The following HEATR5B variants were observed in gnomAD, a reference collection of about 807,000 sequenced individuals.
HEATR5B encodes HEAT repeat containing 5B.
A neutral mutation model predicts 224.1 loss-of-function variants in HEATR5B; 156 were observed. The observed-to-expected ratio is 0.70, with a 90% CI of 0.61 to 0.80. The LOEUF (loss-of-function observed/expected upper bound fraction) is 0.80, where lower values mean the gene tolerates loss of function less well. Ranked by LOEUF, HEATR5B falls within the 30% of genes least tolerant of loss-of-function variation. The probability of loss-of-function intolerance (pLI) is 0.00; values close to 1 mark genes in which losing one functional copy is unlikely to be tolerated. For synonymous variants in HEATR5B, 1,027 were observed against 893.0 expected (o/e 1.15, Z -2.68); for missense variants, 2,323 against 2,535.5 (o/e 0.92, Z 1.80).
intron 27 of HEATR5B, among the ~76,000 whole-genome samples, chr2:37,013,457 G>A (rs753340019): frequency 2.6e-5 from 4 of 152,256 alleles, no homozygotes; most frequent in African/African-American, 7.2e-5. Context: ...GGCTGCGGCA[G>A]GAGGACTGTT....
At chr2:37,081,066 A>T (rs1006893004) in intron 2 of HEATR5B, among the ~76,000 whole-genome samples, 1 of 152,204 alleles carries the variant, frequency 6.6e-6, no homozygotes, top group Non-Finnish European at 1.5e-5. Context: ...ATGGAGATGG[A>T]TCAAATAAGA....
rs1671730491 is a variant in HEATR5B at position 37,068,734 on chromosome 2, A to G, written c.1124T>C (p.Ile375Thr). ...VGSLLGEKAQIAAAKEICQAI... is the reference protein window; with the variant it reads ...VGSLLGEKAQTAAAKEICQAI... ...TTGGCAGATTTCTTTGGCAGCTGCA[A>G]TCTGGGCTTTTTCACCTAGCAAACT... Residue 375 changes from isoleucine to threonine, a missense_variant, in exon 8 of 36, where the codon ATT becomes ACT. Physicochemically the swap from Ile to Thr is moderately conservative, Grantham distance 89. This residue lies in a region of HEATR5B where 502 missense variants were observed against 517.8 expected (regional missense o/e 0.97). Coordinates refer to ENST00000233099, the MANE Select transcript of HEATR5B (RefSeq NM_019024.3). 8.1e-6 allele frequency: 13 copies of G among 1,614,060 alleles called. No homozygotes were observed. Among genetic ancestry groups the G allele is most frequent in the Non-Finnish European group, 1.0e-5 (12 of 1,180,028 alleles).
At chr2:37,003,258 C>T (rs1011322294) in intron 31 of HEATR5B, among the ~76,000 whole-genome samples, 7 of 97,478 alleles carry the variant, frequency 7.2e-5, no homozygotes, top group Admixed American at 3.1e-4. Context: ...CTGTCCCGCC[C>T]GCAAAAAAAA....
chr2:37,058,524 C>G lies in HEATR5B; in HGVS notation c.1986G>C (p.Leu662=). 6.2e-7 allele frequency: 1 copy of G among 1,613,020 alleles called. No individual in the cohort carries two copies. The highest frequency in any genetic ancestry group is 8.5e-7 in the Non-Finnish European group (1 of 1,179,074). The change falls in exon 14 of 36, where the codon CTG becomes CTC. Residue 662 remains leucine, a synonymous_variant. Coordinates refer to ENST00000233099, the MANE Select transcript of HEATR5B (RefSeq NM_019024.3). ...PSVMKAHGAH[L]KASAAMVRLR... ...AACGGACCATTGCAGCACTAGCTTT[C>G]AGATGAGCTCCATGGGCTTTCATTA...
chr2:37,043,092 T>C (rs562136640), intron 18 of HEATR5B, among the ~76,000 whole-genome samples: 1 of 152,292 alleles, frequency 6.6e-6, no homozygotes, highest in East Asian at 1.9e-4. Context: ...ACTGAAATGT[T>C]AGAGTTGAGC....
At chr2:37,041,739 T>C (rs900155157) in intron 18 of HEATR5B, among the ~76,000 whole-genome samples, 1 of 150,420 alleles carries the variant, frequency 6.6e-6, no homozygotes, top group Non-Finnish European at 1.5e-5. Context: ...AGCAGGACCC[T>C]GTCTCAATAA....
chr2:37,002,211 A>T, intron 32 of HEATR5B, 95 bp downstream of exon 32: 1 of 1,328,310 alleles, frequency 7.5e-7, no homozygotes. Flanking sequence ...GAGATTTAAG[A>T]GGAAACTGGG....
chr2:37,059,492 C>T (rs1266332165), intron 12 of HEATR5B, among the ~76,000 whole-genome samples: 1 of 102,004 alleles, frequency 9.8e-6, no homozygotes, highest in Non-Finnish European at 1.8e-5. Context: ...TTGAGAGAGT[C>T]TCACTCTGTC....
chr2:37,027,949 C>A lies in HEATR5B; in HGVS notation c.3827G>T (p.Arg1276Leu), dbSNP rs376585931. ...DQAHFDLALA[R>L]SAKLRNPTND... ...TGTAGGGTTTCGAAGTTTAGCAGAA[C>A]GTGCCAAGGCAAGATCAAAGTGAGC... The change falls in exon 24 of 36, where the codon CGT (arginine) becomes CTT (leucine). Residue 1276 changes from arginine (R) to leucine (L), a missense_variant. Arg to Leu is a moderately radical substitution (Grantham distance 102). Around this residue, in one of 12 missense-constraint regions of HEATR5B, gnomAD observed 339 missense variants for 378.4 expected, o/e 0.90. Coordinates refer to ENST00000233099, the MANE Select transcript of HEATR5B (RefSeq NM_019024.3). 1 of 1,613,888 alleles carries A rather than the reference C, an allele frequency of 6.2e-7. No individual in the cohort carries two copies. The highest frequency in any genetic ancestry group is 1.3e-5 in the African/African-American group (1 of 74,922).
In HEATR5B at chr2:37,033,842, A is replaced by G. The variant is rs1669294503; in HGVS notation, c.3217-1069T>C. Among the ~76,000 whole-genome samples the G allele has an allele frequency of 3.3e-5, 5 of 152,332 alleles. 1 individual carries two copies. The South Asian group carries it at 1.0e-3, about 32-fold the overall frequency. ...TGGTGTAAATAAGTAAAATGCTTAC[A>G]ATGCTGGCTGGCACATGGTAACTGC... is the stretch of plus-strand genomic sequence containing the variant. On this transcript the variant is annotated intron_variant, in intron 21 of 35. Transcript: ENST00000233099.
At chr2:37,030,381 G>C (rs1183169181) in intron 22 of HEATR5B, among the ~76,000 whole-genome samples, 1 of 152,118 alleles carries the variant, frequency 6.6e-6, no homozygotes. Flanking sequence ...TCCCATTTCA[G>C]TAATTATACT....
chr2:37,064,647 T>C, intron 10 of HEATR5B, 93 bp downstream of exon 10: 2 of 1,280,718 alleles, frequency 1.6e-6, no homozygotes, highest in Non-Finnish European at 2.2e-6. Flanking sequence ...CAACTGTTAT[T>C]TGACCACCCT....
Position 36,985,621 on chromosome 2 carries a change from C to CTTTTT in HEATR5B, c.5911+3020_5911+3024dup, listed in dbSNP as rs558499229. ...TACAGGCATGTGCCACCACTCCTGG[C>CTTTTT]TTTTTTTTTTTTTTTTTTTTTTTTC... On this transcript the variant is annotated intron_variant, in intron 35 of 35. Transcript: ENST00000233099. Among the ~76,000 whole-genome samples the CTTTTT allele has an allele frequency of 7.7e-4, 71 of 92,308 alleles. 2 individuals carry two copies. Among genetic ancestry groups the CTTTTT allele is most frequent in the African/African-American group, 3.0e-3 (63 of 20,750 alleles). 60.6% of individuals were successfully genotyped at this position (92,308 alleles called of 152,430 possible).
intron 12 of HEATR5B, 125 bp from the exon 13 acceptor site, chr2:37,059,112 C>A: frequency 4.1e-6 from 2 of 483,564 alleles, no homozygotes; most frequent in South Asian, 1.3e-4. Context: ...GGTTCTGAAA[C>A]CATGTCGAAC....
intron 1 of HEATR5B, among the ~76,000 whole-genome samples, chr2:37,083,647 A>T (rs922297300): frequency 6.6e-6 from 1 of 152,220 alleles, no homozygotes; most frequent in African/African-American, 2.4e-5. Flanking sequence ...AGAGTGACTC[A>T]TGGAGTGAAA....
In HEATR5B at chr2:37,083,422, G is replaced by C. The variant is rs762189851; in HGVS notation, c.-8C>G. 1.2e-6 allele frequency: 2 copies of C among 1,608,214 alleles called. No homozygotes were observed. The highest frequency in any genetic ancestry group is 1.7e-6 in the Non-Finnish European group (2 of 1,177,300). On this transcript the variant is annotated 5_prime_UTR_variant, in exon 2 of 36. Coordinates refer to ENST00000233099, the MANE Select transcript of HEATR5B (RefSeq NM_019024.3). The stretch of plus-strand genomic sequence containing the variant: ...ACTGTGGGCTAACTCCATTACGGAA[G>C]TTTGAAATTCACACCTTAAATTTAA...
chr2:36,988,034 T>C (rs1331532197), intron 35 of HEATR5B, among the ~76,000 whole-genome samples: 1 of 151,550 alleles, frequency 6.6e-6, no homozygotes, highest in Non-Finnish European at 1.5e-5. Context: ...ATGGTGCCAT[T>C]GCATGCCAGC....
At chr2:37,079,461 C>T (rs1019118176) in intron 2 of HEATR5B, 130 bp from the exon 3 acceptor site, 37 of 517,494 alleles carry the variant, frequency 7.1e-5, no homozygotes, top group Non-Finnish European at 4.4e-5. Flanking sequence ...AAACATAAAC[C>T]GTGAGAATTT....
intron 18 of HEATR5B, among the ~76,000 whole-genome samples, chr2:37,045,312 T>C (rs959623433): frequency 6.6e-6 from 1 of 152,026 alleles, no homozygotes; most frequent in African/African-American, 2.4e-5. Context: ...TTTTATGATG[T>C]TGAGTTGCTC....
Sources: allele counts gnomAD v4.1 joint callset (sites outside exome capture counted in the v4.1 genomes callset), GRCh38; gene constraint gnomAD v4.1.1; regional missense constraint gnomAD v4.1.1; transcripts MANE v1.5; gene names NCBI Gene and HGNC (gene_info 2026-07-23, HGNC 2026-07-21).